LINGO1: variants seen among roughly 807,000 people sequenced by gnomAD.
LINGO1 encodes the protein leucine rich repeat and Ig domain containing 1.
In LINGO1, 11 loss-of-function variants were observed where a neutral mutation model predicts 37.3. The observed-to-expected ratio is 0.29, with a 90% CI of 0.19 to 0.49. LINGO1 has a LOEUF of 0.49. LINGO1 is among the 20% of genes least tolerant of loss of function. The pLI is 0.99. For missense variants in LINGO1, 585 were observed against 878.2 expected (o/e 0.67, Z 4.22); for synonymous variants, 387 against 403.0 (o/e 0.96, Z 0.48).
intron 1 of LINGO1, among the ~76,000 whole-genome samples, chr15:77,804,840 C>T (rs897459402): frequency 6.6e-6 from 1 of 152,188 alleles, no homozygotes; most frequent in Admixed American, 6.5e-5. Context: ...GCGGTTACCA[C>T]CTCCCACGTT....
intron 1 of LINGO1, among the ~76,000 whole-genome samples, chr15:77,812,573 CA>C (rs912326930): frequency 2.6e-5 from 4 of 152,322 alleles, no homozygotes; most frequent in South Asian, 4.1e-4. Context: ...GGGTCACAGA[CA>C]GGGGGGCTTG....
intron 2 of LINGO1, among the ~76,000 whole-genome samples, chr15:77,715,968 T>C (rs2075979129): frequency 6.6e-6 from 1 of 152,180 alleles, no homozygotes; most frequent in Non-Finnish European, 1.5e-5. Flanking sequence ...GGAAACATAC[T>C]GTGTGTGAGT....
intron 3 of LINGO1, among the ~76,000 whole-genome samples, chr15:77,643,927 G>C (rs908379269): frequency 6.6e-6 from 1 of 152,226 alleles, no homozygotes; most frequent in Non-Finnish European, 1.5e-5. Flanking sequence ...TCTGGGCAGA[G>C]CACTTGGCCA....
At chr15:77,770,908 G>A (rs531415663) in intron 1 of LINGO1, among the ~76,000 whole-genome samples, 24 of 152,338 alleles carry the variant, frequency 1.6e-4, no homozygotes, top group East Asian at 7.7e-4. Context: ...GGAAGTGGGC[G>A]CGGAAGCAGT....
rs1596243741 is a variant in LINGO1, at chr15:77,800,289, C to T, written c.-457-4236G>A. ...TGTCCCCAACTAAGGGCTGCCACCA[C>T]TGCCACCTCACGTCCCTAGTTACTG... On this transcript the variant is annotated intron_variant, in intron 1 of 5. Transcript: ENST00000562933. Among the ~76,000 whole-genome samples, 4 of 152,376 alleles carry T rather than the reference C, an allele frequency of 2.6e-5. No individual in the cohort carries two copies. In the Middle Eastern group the frequency reaches 0.01, roughly 389 times the overall value.
At chr15:77,760,478 A>T (rs1235304514) in intron 1 of LINGO1, among the ~76,000 whole-genome samples, 1 of 152,242 alleles carries the variant, frequency 6.6e-6, no homozygotes, top group Non-Finnish European at 1.5e-5. Flanking sequence ...ATTACATAGG[A>T]ATCTGGATTT....
chr15:77,747,921 G>A (rs1292816981), intron 1 of LINGO1, among the ~76,000 whole-genome samples: 3 of 152,244 alleles, frequency 2.0e-5, no homozygotes, highest in Non-Finnish European at 2.9e-5. Context: ...GTGGTACCAC[G>A]TGTGTGCTGC....
chr15:77,616,801 C>G (rs1445743125), intron 1 of LINGO1, among the ~76,000 whole-genome samples: 1 of 152,230 alleles, frequency 6.6e-6, no homozygotes, highest in Non-Finnish European at 1.5e-5. Flanking sequence ...AATGCCCCTT[C>G]CCTGGCTGTT....
chr15:77,618,300 T>C (rs1453681314), intron 1 of LINGO1, among the ~76,000 whole-genome samples: 3 of 152,136 alleles, frequency 2.0e-5, no homozygotes, highest in Non-Finnish European at 4.4e-5. Context: ...CCACCGGGCC[T>C]CAACCTGCCC....
intron 1 of LINGO1, among the ~76,000 whole-genome samples, chr15:77,819,851 A>G (rs1755757984): frequency 6.6e-6 from 1 of 151,262 alleles, no homozygotes. Context: ...TCCCGCGGGA[A>G]GCGCCGGCCC....
At chr15:77,724,837 C>T (rs2076086730) in intron 2 of LINGO1, among the ~76,000 whole-genome samples, 1 of 152,240 alleles carries the variant, frequency 6.6e-6, no homozygotes, top group South Asian at 2.1e-4. Context: ...CCCTCCCCCA[C>T]AGTCTACCTT....
At chr15:77,817,044 G>A (rs1253760012) in intron 1 of LINGO1, among the ~76,000 whole-genome samples, 2 of 54,966 alleles carry the variant, frequency 3.6e-5, no homozygotes, top group Admixed American at 5.8e-4. Context: ...AACAAGGGAG[G>A]AGCAGGGAGA....
chr15:77,655,250 C>G lies in LINGO1; in HGVS notation c.-13+21839G>C, dbSNP rs558699716. Among the ~76,000 whole-genome samples the G allele has an allele frequency of 2.0e-5, 3 of 152,328 alleles. No homozygotes were observed. The South Asian group carries it at 6.2e-4, about 32-fold the overall frequency. On this transcript the variant is annotated intron_variant, in intron 3 of 3. Coordinates refer to the LINGO1 transcript ENST00000559893. Reference sequence around the variant, plus strand: ...GCAGGTGAAGTTCCAGGAAGAGGAGCTGGAGAAGAGCTAGAGATTCCACGG... The same window carrying G: ...GCAGGTGAAGTTCCAGGAAGAGGAGGTGGAGAAGAGCTAGAGATTCCACGG...
intron 1 of LINGO1, among the ~76,000 whole-genome samples, chr15:77,631,813 G>C (rs2074262580): frequency 6.6e-6 from 1 of 152,244 alleles, no homozygotes; most frequent in South Asian, 2.1e-4. Flanking sequence ...AAGGGGCGAT[G>C]CTTGTGTGTG....
chr15:77,680,891 A>C (rs538727114), intron 2 of LINGO1, among the ~76,000 whole-genome samples: 2 of 152,136 alleles, frequency 1.3e-5, no homozygotes, highest in African/African-American at 4.8e-5. Flanking sequence ...GGCAATTATC[A>C]CCTGAAATGT....
At chr15:77,695,010 T>G (rs992279965) in intron 1 of LINGO1, among the ~76,000 whole-genome samples, 4 of 152,156 alleles carry the variant, frequency 2.6e-5, no homozygotes, top group African/African-American at 7.2e-5. Context: ...TTTTTTTTAA[T>G]TTTTGACCAG....
At chr15:77,768,659 G>A (rs371153093) in intron 1 of LINGO1, among the ~76,000 whole-genome samples, 1 of 152,046 alleles carries the variant, frequency 6.6e-6, no homozygotes, top group African/African-American at 2.4e-5. Flanking sequence ...AGGCTTATGA[G>A]TGTCCCTACC....
chr15:77,740,650 G>T (rs2076253592), intron 1 of LINGO1, among the ~76,000 whole-genome samples: 1 of 152,180 alleles, frequency 6.6e-6, no homozygotes, highest in African/African-American at 2.4e-5. Context: ...ACTCCAATCA[G>T]CGAGGGCTGG....
At chr15:77,666,607 C>T (rs2075136358) in intron 3 of LINGO1, among the ~76,000 whole-genome samples, 1 of 152,202 alleles carries the variant, frequency 6.6e-6, no homozygotes, top group Admixed American at 6.5e-5. Flanking sequence ...GGGAGCCACA[C>T]AGCCTGATTC....
Sources: allele counts gnomAD v4.1 joint callset (sites outside exome capture counted in the v4.1 genomes callset), GRCh38; gene constraint gnomAD v4.1.1; transcripts MANE v1.5; gene names NCBI Gene and HGNC (gene_info 2026-07-23, HGNC 2026-07-21).